Variants in EPYC observed in about 807,000 individuals in gnomAD.
EPYC encodes the protein epiphycan.
EPYC carries 28 observed loss-of-function variants against 30.1 expected under a neutral mutation model. That is an observed-to-expected ratio of 0.93 (90% CI 0.69 to 1.28). The LOEUF is 1.28. Ranked by LOEUF, EPYC falls within the 50% of genes most tolerant of loss-of-function variation. The pLI is 0.00. For synonymous variants in EPYC, 144 were observed against 141.4 expected (o/e 1.02, Z -0.13); for missense variants, 382 against 383.5 (o/e 1.00, Z 0.03).
intron 4 of EPYC, 40 bp downstream of exon 4, chr12:90,972,782 T>G (rs377287806): frequency 2.0e-6 from 3 of 1,510,002 alleles, no homozygotes; most frequent in African/African-American, 1.4e-5. Flanking sequence ...TTAAAGGAAG[T>G]GTGTAAAGCG....
chr12:90,969,368 A>T (rs540818274), intron 6 of EPYC, among the ~76,000 whole-genome samples: 1 of 152,228 alleles, frequency 6.6e-6, no homozygotes, highest in Admixed American at 6.5e-5. Flanking sequence ...TTTATATTTA[A>T]CAACCAAAAA....
intron 6 of EPYC, among the ~76,000 whole-genome samples, chr12:90,968,059 GT>G (rs1161669204): frequency 1.4e-4 from 22 of 152,066 alleles, no homozygotes; most frequent in African/African-American, 5.3e-4. Context: ...ATTTCTGATA[GT>G]TTTTGCCTCA....
At chr12:90,977,436 C>T (rs1431496378) in intron 3 of EPYC, among the ~76,000 whole-genome samples, 1 of 152,136 alleles carries the variant, frequency 6.6e-6, no homozygotes, top group African/African-American at 2.4e-5. Flanking sequence ...TTTCCTCTCT[C>T]TGTTGCTTCT....
In EPYC at chr12:90,974,761, T is replaced by C. The variant is rs76852885; in HGVS notation, c.341-1781A>G. On this transcript the variant is annotated intron_variant, in intron 3 of 6. Coordinates refer to ENST00000261172, the MANE Select transcript of EPYC (RefSeq NM_004950.5). ...CTGCTGACTGAGAAATTGCATTTTC[T>C]TTGTGAAGTAGGAAGTTAAGTTATC... Among the ~76,000 whole-genome samples the C allele has an allele frequency of 4.5e-4, 68 of 152,244 alleles. No individual in the cohort carries two copies. The East Asian group carries it at 0.013, about 29-fold the overall frequency.
intron 2 of EPYC, among the ~76,000 whole-genome samples, chr12:90,988,777 G>A (rs1412142761): frequency 6.6e-6 from 1 of 152,060 alleles, no homozygotes; most frequent in Non-Finnish European, 1.5e-5. Context: ...TCTAATGCAG[G>A]TAAACAAGTT....
At chr12:90,986,075 T>A (rs530342570) in intron 2 of EPYC, among the ~76,000 whole-genome samples, 11 of 152,166 alleles carry the variant, frequency 7.2e-5, no homozygotes, top group African/African-American at 1.9e-4. Context: ...CACACCCTTA[T>A]TAGGGAGGGA....
chr12:90,976,184 T>C (rs1414724518), intron 3 of EPYC, among the ~76,000 whole-genome samples: 3 of 151,934 alleles, frequency 2.0e-5, no homozygotes, highest in East Asian at 1.9e-4. Context: ...CCTCAGGAAA[T>C]GGGGAGTTGT....
At chr12:90,974,192 T>G (rs1239424324) in intron 3 of EPYC, among the ~76,000 whole-genome samples, 1 of 151,936 alleles carries the variant, frequency 6.6e-6, no homozygotes, top group African/African-American at 2.4e-5. Flanking sequence ...GATAGGGCAA[T>G]GTCATGGAGG....
intron 2 of EPYC, among the ~76,000 whole-genome samples, chr12:90,980,102 A>G (rs1256782356): frequency 6.6e-6 from 1 of 152,162 alleles, no homozygotes; most frequent in Non-Finnish European, 1.5e-5. Context: ...ATGGATTTGT[A>G]GAGAGACCAA....
chr12:90,964,402 T>G (rs1876843445), intron 6 of EPYC, 76 bp from the exon 7 acceptor site: 2 of 1,017,668 alleles, frequency 2.0e-6, no homozygotes, highest in Non-Finnish European at 1.4e-6. Context: ...TCCACTGTGC[T>G]TCACCCTTGT....
intron 2 of EPYC, among the ~76,000 whole-genome samples, chr12:90,996,953 A>T (rs1877706799): frequency 6.6e-6 from 1 of 152,168 alleles, no homozygotes; most frequent in East Asian, 1.9e-4. Context: ...AGGTAGGCAA[A>T]GTTATATGAA....
intron 2 of EPYC, among the ~76,000 whole-genome samples, chr12:90,986,742 C>T (rs73371244): frequency 0.093 from 14,101 of 152,076 alleles, 803 homozygotes; most frequent in African/African-American, 0.16. Flanking sequence ...AGCAGCACAT[C>T]GGAACCCATA....
intron 2 of EPYC, among the ~76,000 whole-genome samples, chr12:90,992,805 G>A (rs1877617102): frequency 6.6e-6 from 1 of 152,162 alleles, no homozygotes; most frequent in Admixed American, 6.5e-5. Flanking sequence ...TCCTTCCGTA[G>A]AGTTTCTGAT....
intron 6 of EPYC, among the ~76,000 whole-genome samples, chr12:90,966,222 T>C (rs1876891358): frequency 6.6e-6 from 1 of 152,060 alleles, no homozygotes; most frequent in African/African-American, 2.4e-5. Context: ...TTTCTGTTCT[T>C]AGAAAGAAAG....
intron 2 of EPYC, among the ~76,000 whole-genome samples, chr12:90,980,797 T>C (rs1214716316): frequency 2.0e-5 from 3 of 152,232 alleles, no homozygotes; most frequent in Admixed American, 1.3e-4. Context: ...TATGCTCTAT[T>C]CTTTTTTATT....
intron 3 of EPYC, 131 bp downstream of exon 3, chr12:90,977,957 G>T: frequency 1.7e-6 from 1 of 572,410 alleles, no homozygotes; most frequent in Non-Finnish European, 2.8e-6. Context: ...GTATAAATAT[G>T]CTTCAAACCT....
intron 2 of EPYC, among the ~76,000 whole-genome samples, chr12:90,981,274 A>T (rs1402062093): frequency 2.0e-5 from 3 of 152,050 alleles, no homozygotes; most frequent in Non-Finnish European, 2.9e-5. Flanking sequence ...GCAACATATC[A>T]CCTCAACCCA....
chr12:90,997,017 A>C (rs953908799), intron 2 of EPYC, among the ~76,000 whole-genome samples: 3 of 152,058 alleles, frequency 2.0e-5, no homozygotes, highest in Non-Finnish European at 4.4e-5. Flanking sequence ...CAGGCAAGCC[A>C]TAATGACAAG....
At chr12:90,992,089 G>A (rs1877598570) in intron 2 of EPYC, among the ~76,000 whole-genome samples, 1 of 152,164 alleles carries the variant, frequency 6.6e-6, no homozygotes, top group Non-Finnish European at 1.5e-5. Flanking sequence ...TTATCCACTA[G>A]GGATGGTTTC....
Sources: allele counts gnomAD v4.1 joint callset (sites outside exome capture counted in the v4.1 genomes callset), GRCh38; gene constraint gnomAD v4.1.1; transcripts MANE v1.5; gene names NCBI Gene and HGNC (gene_info 2026-07-23, HGNC 2026-07-21).